GSE1: variants seen among roughly 807,000 people sequenced by gnomAD.
GSE1 encodes genetic suppressor element 1.
A neutral mutation model predicts 112.6 loss-of-function variants in GSE1; 32 were observed. That is an observed-to-expected ratio of 0.28 (90% CI 0.21 to 0.38). The LOEUF (loss-of-function observed/expected upper bound fraction) is 0.38. Ranked by LOEUF, GSE1 falls within the 10% of genes least tolerant of loss-of-function variation. The probability of loss-of-function intolerance (pLI) is 1.00; values close to 1 mark genes in which losing one functional copy is unlikely to be tolerated. For missense variants in GSE1, 2,348 were observed against 1,699.2 expected, an observed-to-expected ratio of 1.38 and a Z score of -6.71; for synonymous variants, 1,115 against 735.6, an observed-to-expected ratio of 1.52 and a Z score of -8.35.
intron 1 of GSE1, among the ~76,000 whole-genome samples, chr16:85,173,548 G>A (rs1019184269): frequency 6.6e-6 from 1 of 152,186 alleles, no homozygotes; most frequent in Admixed American, 6.5e-5. Flanking sequence ...TTCTGTGTGC[G>A]AGGTGCTGGC....
At chr16:85,521,054 G>C (rs917269164) in intron 2 of GSE1, among the ~76,000 whole-genome samples, 6 of 152,154 alleles carry the variant, frequency 3.9e-5, no homozygotes, top group African/African-American at 1.2e-4. Flanking sequence ...CGGTTTGTCT[G>C]GGTTCTTCGT....
At chr16:85,452,479 G>A (rs968067352) in intron 2 of GSE1, among the ~76,000 whole-genome samples, 2 of 152,264 alleles carry the variant, frequency 1.3e-5, no homozygotes, top group East Asian at 1.9e-4. Context: ...TGGTTGATCT[G>A]GGACTGTGGC....
Position 85,220,193 on chromosome 16 carries a change from C to T in GSE1, c.2283+48386C>T, listed in dbSNP as rs369329285. The stretch of plus-strand genomic sequence containing the variant: ...GGCCAGAAGCAGCTCGGCGTTACCC[C>T]GCACCTGGGATTTCAAGAGCTCTTC... On this transcript the variant is annotated intron_variant, in intron 1 of 2. Transcript: ENST00000637419. 9.8e-4 allele frequency among the ~76,000 whole-genome samples: 150 copies of T among 152,370 alleles called. 2 individuals carry two copies. The highest frequency in any genetic ancestry group is 3.2e-3 in the African/African-American group (134 of 41,586).
intron 2 of GSE1, among the ~76,000 whole-genome samples, chr16:85,510,094 C>G (rs917907437): frequency 5.6e-4 from 85 of 152,346 alleles, no homozygotes; most frequent in African/African-American, 2.0e-3. Flanking sequence ...CCCCATGCCG[C>G]CACCATCAGA....
At chr16:85,189,312 G>T (rs952123762) in intron 1 of GSE1, among the ~76,000 whole-genome samples, 1 of 152,098 alleles carries the variant, frequency 6.6e-6, no homozygotes, top group African/African-American at 2.4e-5. Flanking sequence ...ACTCATATGT[G>T]TAAGCCCTGT....
intron 1 of GSE1, among the ~76,000 whole-genome samples, chr16:85,305,833 T>C (rs764522495): frequency 3.9e-5 from 6 of 152,122 alleles, no homozygotes; most frequent in Non-Finnish European, 7.4e-5. Flanking sequence ...CTCACACTTG[T>C]AGTCCCAGAA....
upstream of GSE1, among the ~76,000 whole-genome samples, chr16:85,610,841 T>C (rs536709690): frequency 6.6e-6 from 1 of 152,350 alleles, no homozygotes; most frequent in South Asian, 2.1e-4. Flanking sequence ...CTTCCTCATC[T>C]GTGAAACGGG....
intron 2 of GSE1, among the ~76,000 whole-genome samples, chr16:85,464,618 C>G (rs566023528): frequency 2.0e-5 from 3 of 152,202 alleles, no homozygotes; most frequent in East Asian, 1.9e-4. Flanking sequence ...AGGGTACTCA[C>G]GAAGCCTCGG....
intron 2 of GSE1, among the ~76,000 whole-genome samples, chr16:85,403,333 A>G (rs1353696067): frequency 6.6e-6 from 1 of 152,124 alleles, no homozygotes; most frequent in Non-Finnish European, 1.5e-5. Context: ...TCCAGCCCAC[A>G]CTTAAAGGGC....
At chr16:85,565,414 A>C (rs1013890575) in intron 1 of GSE1, among the ~76,000 whole-genome samples, 14 of 151,080 alleles carry the variant, frequency 9.3e-5, no homozygotes, top group Non-Finnish European at 1.6e-4. Flanking sequence ...AACAAAAAAA[A>C]ACAAAAAAAC....
At chr16:85,579,318 C>A (rs1191883483) in intron 1 of GSE1, among the ~76,000 whole-genome samples, 1 of 152,170 alleles carries the variant, frequency 6.6e-6, no homozygotes, top group East Asian at 1.9e-4. Flanking sequence ...CCACCCACTT[C>A]TTTTGAAATT....
At chr16:85,248,615 G>A (rs1245188187) in intron 1 of GSE1, among the ~76,000 whole-genome samples, 3 of 152,142 alleles carry the variant, frequency 2.0e-5, no homozygotes, top group African/African-American at 7.2e-5. Flanking sequence ...GAGCCGCCAT[G>A]ATCTGTGTAA....
intron 2 of GSE1, among the ~76,000 whole-genome samples, chr16:85,447,969 C>T (rs1338780054): frequency 1.3e-5 from 2 of 152,210 alleles, no homozygotes; most frequent in African/African-American, 4.8e-5. Flanking sequence ...CTTGCTGTGG[C>T]TTAGTGTAGG....
chr16:85,657,182 T>G, intron 7 of GSE1, 95 bp from the exon 8 acceptor site: 1 of 853,792 alleles, frequency 1.2e-6, no homozygotes, highest in Non-Finnish European at 1.8e-6. Context: ...TTGGAAGGGC[T>G]CTGGTTTCTC....
chr16:85,384,250 A>C (rs1352183729), intron 2 of GSE1, among the ~76,000 whole-genome samples: 1 of 152,124 alleles, frequency 6.6e-6, no homozygotes, highest in African/African-American at 2.4e-5. Flanking sequence ...GAGGAGCAAG[A>C]AACACACGTG....
Position 85,648,664 on chromosome 16 carries a change from G to A in GSE1, c.339G>A (p.Gly113=), listed in dbSNP as rs2051083326. The change falls in exon 3 of 16, where the codon GGG becomes GGA. Residue 113 remains glycine, a synonymous_variant. Coordinates refer to ENST00000253458, the MANE Select transcript of GSE1 (RefSeq NM_014615.5). ...TGGGCCCTATCATCGTCCCCCCTGG[G>A]GGCCACAGCGTGCCCAGCACCCCCC... ...VPMGPIIVPP[G]GHSVPSTPPV... 6.2e-7 allele frequency: 1 copy of A among 1,604,028 alleles called. No individual in the cohort carries two copies. Among genetic ancestry groups the A allele is most frequent in the Non-Finnish European group, 8.5e-7 (1 of 1,173,378 alleles).
intron 1 of GSE1, among the ~76,000 whole-genome samples, chr16:85,615,000 G>A (rs926431376): frequency 6.6e-6 from 1 of 152,212 alleles, no homozygotes; most frequent in Non-Finnish European, 1.5e-5. Context: ...CCCCCTGGTC[G>A]GCCGTCTCGT....
intron 1 of GSE1, among the ~76,000 whole-genome samples, chr16:85,579,578 C>T (rs1257714236): frequency 6.6e-6 from 1 of 152,154 alleles, no homozygotes; most frequent in African/African-American, 2.4e-5. Flanking sequence ...CCAGCAGGGT[C>T]GATCCTGAGG....
At chr16:85,273,291 A>G (rs1386491674) in intron 1 of GSE1, among the ~76,000 whole-genome samples, 1 of 148,000 alleles carries the variant, frequency 6.8e-6, no homozygotes, top group Non-Finnish European at 1.5e-5. Context: ...AGTAGATTTT[A>G]CTGTATATAA....
Sources: gnomAD v4.1 joint callset for allele counts (sites outside exome capture counted in the v4.1 genomes callset) on GRCh38, gnomAD v4.1.1 for gene constraint, MANE v1.5 for transcripts, NCBI Gene and HGNC (gene_info 2026-07-23, HGNC 2026-07-21) for gene names.